Variants in CCDC141 observed in about 807,000 individuals in gnomAD.
CCDC141 encodes coiled-coil domain-containing protein 141.
CCDC141 carries 168 observed loss-of-function variants against 181.0 expected under a neutral mutation model. The ratio of observed to expected loss-of-function variants is 0.93; its 90% confidence interval spans 0.82 to 1.05. CCDC141 has a LOEUF of 1.05. Ranked by LOEUF, CCDC141 falls within the 50% of genes least tolerant of loss-of-function variation. The pLI is 0.00. For synonymous variants in CCDC141, 666 were observed against 642.3 expected (o/e 1.04, Z -0.56); for missense variants, 1,902 against 1,788.5 (o/e 1.06, Z -1.14).
At chr2:178,865,590 C>T (rs1395448247) in intron 17 of CCDC141, among the ~76,000 whole-genome samples, 177 bp downstream of exon 17, 1 of 152,200 alleles carries the variant, frequency 6.6e-6, no homozygotes, top group Non-Finnish European at 1.5e-5. Flanking sequence ...CTCAAACTTC[C>T]AGATCCCTGA....
intron 2 of CCDC141, among the ~76,000 whole-genome samples, chr2:179,017,337 C>A (rs192031157): frequency 2.6e-5 from 4 of 152,204 alleles, no homozygotes; most frequent in African/African-American, 7.2e-5. Flanking sequence ...TACAAATGAG[C>A]TTCCACTTCT....
At chr2:178,890,433 G>T (rs1687092598) in intron 8 of CCDC141, among the ~76,000 whole-genome samples, 1 of 152,094 alleles carries the variant, frequency 6.6e-6, no homozygotes. Context: ...AGTTTCCCTA[G>T]GGGAAACTAG....
chr2:178,887,787 A>T (rs1256119616), intron 9 of CCDC141, among the ~76,000 whole-genome samples: 1 of 152,244 alleles, frequency 6.6e-6, no homozygotes, highest in Non-Finnish European at 1.5e-5. Flanking sequence ...CAGGCATATA[A>T]GTCCACCGTA....
chr2:178,866,681 TTTTTG>T (rs1472093762), intron 16 of CCDC141, among the ~76,000 whole-genome samples: 1 of 151,678 alleles, frequency 6.6e-6, no homozygotes, highest in Non-Finnish European at 1.5e-5. Context: ...GAAAAGGATT[TTTTTG>T]TTTTGTTTTG....
At chr2:178,934,008 A>C (rs1044218845) in intron 6 of CCDC141, among the ~76,000 whole-genome samples, 3 of 152,060 alleles carry the variant, frequency 2.0e-5, no homozygotes. Context: ...TTTAACAGAA[A>C]CTCCAACATT....
intron 2 of CCDC141, among the ~76,000 whole-genome samples, chr2:179,021,298 T>C (rs2042685903): frequency 6.6e-6 from 1 of 152,158 alleles, no homozygotes; most frequent in Non-Finnish European, 1.5e-5. Context: ...TACCACCACT[T>C]AATTTTAGCT....
At chr2:178,817,276 T>C in the CCDC141 span, among the ~76,000 whole-genome samples, 1 of 151,970 alleles carries the variant, frequency 6.6e-6, no homozygotes, top group Non-Finnish European at 1.5e-5. Flanking sequence ...ATGTGCCACA[T>C]GTTTATTTCT....
At chr2:178,837,956 C>T (rs1157802403) in intron 22 of CCDC141, among the ~76,000 whole-genome samples, 1 of 152,170 alleles carries the variant, frequency 6.6e-6, no homozygotes, top group East Asian at 1.9e-4. Flanking sequence ...ATTATAAAGA[C>T]CTCAAGTTCT....
At chr2:179,010,753 C>CA (rs2042245466) in intron 2 of CCDC141, among the ~76,000 whole-genome samples, 1 of 152,110 alleles carries the variant, frequency 6.6e-6, no homozygotes, top group Non-Finnish European at 1.5e-5. Context: ...AAAGCAAAAA[C>CA]AAAAAACAAA....
chr2:178,914,060 A>G (rs1343879221), intron 7 of CCDC141, among the ~76,000 whole-genome samples: 1 of 152,244 alleles, frequency 6.6e-6, no homozygotes, highest in Non-Finnish European at 1.5e-5. Context: ...AATATCAACC[A>G]TAGCTTAGCT....
intron 8 of CCDC141, among the ~76,000 whole-genome samples, chr2:178,899,988 T>G (rs1687607883): frequency 6.6e-6 from 1 of 152,158 alleles, no homozygotes; most frequent in Non-Finnish European, 1.5e-5. Flanking sequence ...TCAGTTCAAT[T>G]TTTAATGGGT....
intron 3 of CCDC141, among the ~76,000 whole-genome samples, chr2:178,977,923 T>C (rs971446285): frequency 2.0e-5 from 3 of 152,206 alleles, no homozygotes. Context: ...ATGACCTTCT[T>C]AGGTCTAGGA....
intron 2 of CCDC141, among the ~76,000 whole-genome samples, chr2:179,013,960 CAAAAAAAAA>C (rs59851189): frequency 8.5e-5 from 4 of 46,880 alleles, no homozygotes; most frequent in African/African-American, 3.0e-4. Flanking sequence ...GACTCCATCT[CAAAAAAAAA>C]AAAAAAAAAA....
At chr2:178,821,320 C>T in the CCDC141 span, among the ~76,000 whole-genome samples, 3 of 152,174 alleles carry the variant, frequency 2.0e-5, no homozygotes, top group African/African-American at 7.2e-5. Context: ...GTACACTATT[C>T]TGAGCAAACA....
chr2:178,877,706 A>G, intron 12 of CCDC141: 1 of 522,052 alleles, frequency 1.9e-6, no homozygotes, highest in Non-Finnish European at 3.3e-6. Context: ...TCTATTTAAT[A>G]ATAACAATGT....
chr2:178,939,030 G>A (rs541131583), intron 6 of CCDC141, among the ~76,000 whole-genome samples: 12 of 151,666 alleles, frequency 7.9e-5, no homozygotes, highest in African/African-American at 1.5e-4. Flanking sequence ...CTTTTGGTTC[G>A]GTTTGTTTTA....
At chr2:178,924,923 C>T (rs2154375310) in intron 6 of CCDC141, among the ~76,000 whole-genome samples, 1 of 152,320 alleles carries the variant, frequency 6.6e-6, no homozygotes, top group Non-Finnish European at 1.5e-5. Context: ...TTATTCCAAG[C>T]TTGTTAAGTA....
chr2:179,000,055 T>TACACAC (rs67309651), intron 2 of CCDC141, among the ~76,000 whole-genome samples: 78 of 144,356 alleles, frequency 5.4e-4, no homozygotes, highest in African/African-American at 1.6e-3. Context: ...TTCATCACCA[T>TACACAC]ACACACACAC....
chr2:178,946,839 G>A (rs544091389), intron 5 of CCDC141, among the ~76,000 whole-genome samples: 5 of 152,184 alleles, frequency 3.3e-5, no homozygotes, highest in Admixed American at 1.3e-4. Flanking sequence ...GGAGAATGTA[G>A]TTAAAGACAT....
Sources: gnomAD v4.1 joint callset for allele counts (sites outside exome capture counted in the v4.1 genomes callset) on GRCh38, gnomAD v4.1.1 for gene constraint, MANE v1.5 for transcripts, NCBI Gene and HGNC (gene_info 2026-07-23, HGNC 2026-07-21) for gene names.